Variants in BCKDHB observed in about 807,000 individuals in gnomAD.
BCKDHB encodes 2-oxoisovalerate dehydrogenase subunit beta, mitochondrial.
A neutral mutation model predicts 48.5 loss-of-function variants in BCKDHB; 41 were observed. That is an observed-to-expected ratio of 0.85 (90% CI 0.66 to 1.10). BCKDHB has a LOEUF of 1.10. BCKDHB is among the 50% of genes least tolerant of loss of function. The probability of loss-of-function intolerance (pLI) is 0.00; values close to 1 mark genes in which losing one functional copy is unlikely to be tolerated. For synonymous variants in BCKDHB, 201 were observed against 174.8 expected (o/e 1.15, Z -1.18); for missense variants, 496 against 494.2 (o/e 1.00, Z -0.03).
chr6:80,329,688 G>T (rs1452541552), intron 9 of BCKDHB, among the ~76,000 whole-genome samples: 1 of 152,024 alleles, frequency 6.6e-6, no homozygotes, highest in Non-Finnish European at 1.5e-5. Flanking sequence ...GCTCCTTTCT[G>T]CATTCCTAGC....
chr6:80,226,376 G>A (rs1014012049), intron 8 of BCKDHB, among the ~76,000 whole-genome samples: 5 of 152,152 alleles, frequency 3.3e-5, no homozygotes, highest in Admixed American at 6.5e-5. Flanking sequence ...GGGGAAGGGC[G>A]GCGCATTGAA....
intron 8 of BCKDHB, among the ~76,000 whole-genome samples, chr6:80,217,629 C>A (rs568284629): frequency 1.3e-5 from 2 of 152,130 alleles, no homozygotes; most frequent in Non-Finnish European, 2.9e-5. Context: ...CTTCCCTGCC[C>A]CTACTCCCTA....
chr6:80,236,234 A>G (rs1776141919), intron 8 of BCKDHB, among the ~76,000 whole-genome samples: 1 of 152,266 alleles, frequency 6.6e-6, no homozygotes, highest in African/African-American at 2.4e-5. Context: ...AATGCATTAC[A>G]TATATTATGG....
chr6:80,147,580 A>G (rs1219395550), intron 3 of BCKDHB, among the ~76,000 whole-genome samples: 1 of 152,182 alleles, frequency 6.6e-6, no homozygotes, highest in Admixed American at 6.5e-5. Context: ...GTCACAGTGT[A>G]GAGAAGCTGA....
At chr6:80,202,650 C>G (rs972262543) in intron 7 of BCKDHB, among the ~76,000 whole-genome samples, 8 of 151,958 alleles carry the variant, frequency 5.3e-5, no homozygotes, top group African/African-American at 1.9e-4. Context: ...TCCTGGTTTT[C>G]TTTCTAGCTC....
At chr6:80,367,059 C>T in the BCKDHB span, among the ~76,000 whole-genome samples, 1 of 152,178 alleles carries the variant, frequency 6.6e-6, no homozygotes, top group Admixed American at 6.5e-5. Flanking sequence ...CTCATATTAT[C>T]CTGGTTCCCC....
chr6:80,170,662 C>T (rs1772866631), intron 5 of BCKDHB, among the ~76,000 whole-genome samples: 1 of 152,184 alleles, frequency 6.6e-6, no homozygotes, highest in Non-Finnish European at 1.5e-5. Flanking sequence ...CTGTCATTAT[C>T]ATCTTCCTTG....
intron 2 of BCKDHB, among the ~76,000 whole-genome samples, chr6:80,128,651 A>G (rs1029390824): frequency 1.3e-5 from 2 of 151,942 alleles, no homozygotes; most frequent in African/African-American, 2.4e-5. Flanking sequence ...CTCAGGAAAA[A>G]CCACAGGCCT....
chr6:80,205,074 A>G (rs773619170), intron 8 of BCKDHB, among the ~76,000 whole-genome samples: 11 of 151,988 alleles, frequency 7.2e-5, no homozygotes, highest in Non-Finnish European at 1.5e-4. Flanking sequence ...CTTTGGGTCT[A>G]TTTGAGACTC....
chr6:80,117,555 T>C (rs1029564731), intron 1 of BCKDHB, among the ~76,000 whole-genome samples: 2 of 152,242 alleles, frequency 1.3e-5, no homozygotes, highest in African/African-American at 4.8e-5. Context: ...ATGTTCTTGA[T>C]GACCATGACA....
intron 3 of BCKDHB, among the ~76,000 whole-genome samples, chr6:80,153,319 G>A (rs774604684): frequency 3.3e-5 from 5 of 152,078 alleles, no homozygotes; most frequent in South Asian, 2.1e-4. Context: ...TCACAGCCCC[G>A]CTGTCATGGC....
At chr6:80,235,985 C>T (rs1776130829) in intron 8 of BCKDHB, among the ~76,000 whole-genome samples, 2 of 152,146 alleles carry the variant, frequency 1.3e-5, no homozygotes, top group Non-Finnish European at 2.9e-5. Flanking sequence ...TGCTGGTCAA[C>T]CAGGCAACTT....
At chr6:80,311,808 A>G (rs942772085) in intron 9 of BCKDHB, among the ~76,000 whole-genome samples, 16 of 152,334 alleles carry the variant, frequency 1.1e-4, no homozygotes, top group African/African-American at 3.1e-4. Context: ...TACCAGTAGC[A>G]TGCTGTGTTG....
chr6:80,112,179 A>C (rs1289294378), intron 1 of BCKDHB, among the ~76,000 whole-genome samples: 1 of 152,238 alleles, frequency 6.6e-6, no homozygotes, highest in Non-Finnish European at 1.5e-5. Flanking sequence ...ACATGTATAC[A>C]CAAACACAAA....
intron 9 of BCKDHB, among the ~76,000 whole-genome samples, chr6:80,293,842 A>G (rs1767072741): frequency 6.6e-6 from 1 of 152,118 alleles, no homozygotes; most frequent in African/African-American, 2.4e-5. Flanking sequence ...AAATTCCACA[A>G]ATCTCTAGGG....
the BCKDHB span, among the ~76,000 whole-genome samples, chr6:80,379,681 A>G: frequency 2.0e-5 from 3 of 152,126 alleles, no homozygotes; most frequent in Non-Finnish European, 4.4e-5. Flanking sequence ...TGACACAACC[A>G]TATACTTAGA....
the BCKDHB span, among the ~76,000 whole-genome samples, chr6:80,386,154 T>C: frequency 1.3e-5 from 2 of 152,190 alleles, no homozygotes; most frequent in South Asian, 4.1e-4. Flanking sequence ...TGCAATAGAT[T>C]TGTGAGAGCA....
chr6:80,423,760 T>A, the BCKDHB span, among the ~76,000 whole-genome samples: 1 of 152,256 alleles, frequency 6.6e-6, no homozygotes, highest in Non-Finnish European at 1.5e-5. Flanking sequence ...TGACAAATTA[T>A]ATTATAGTGA....
chr6:80,220,165 C>G (rs1386514162), intron 8 of BCKDHB, among the ~76,000 whole-genome samples: 1 of 151,794 alleles, frequency 6.6e-6, no homozygotes, highest in Non-Finnish European at 1.5e-5. Context: ...CATTTCTTCT[C>G]TCCTAGTTTT....
Sources: gnomAD v4.1 joint callset for allele counts (sites outside exome capture counted in the v4.1 genomes callset) on GRCh38, gnomAD v4.1.1 for gene constraint, MANE v1.5 for transcripts, NCBI Gene and HGNC (gene_info 2026-07-23, HGNC 2026-07-21) for gene names.